FRAS1: variants seen among roughly 807,000 people sequenced by gnomAD.
FRAS1 encodes Fraser extracellular matrix complex subunit 1, also known as extracellular matrix organizing protein FRAS1.
Under a neutral mutation model 435.2 loss-of-function variants are expected in FRAS1, and 290 were observed. That is an observed-to-expected ratio of 0.67 (90% CI 0.61 to 0.73). The LOEUF is 0.73. Among genes scored for constraint, FRAS1 ranks in the 30% least tolerant of loss-of-function variants. The pLI, the probability that FRAS1 is intolerant of heterozygous loss-of-function variation, is 0.00. For missense variants in FRAS1, 4,860 were observed against 5,001.5 expected (o/e 0.97, Z 0.85); for synonymous variants, 1,800 against 1,851.0 (o/e 0.97, Z 0.71).
rs569809378 is a variant in FRAS1 at position 78,069,869 on chromosome 4, G to A, written c.108+3853G>A. Among the ~76,000 whole-genome samples the A allele has an allele frequency of 2.6e-5, 4 of 151,606 alleles. No homozygotes were observed. The South Asian group carries it at 8.3e-4, about 32-fold the overall frequency. The stretch of plus-strand genomic sequence containing the variant: ...TCAATTGTCCAAAGTTACATAGTAA[G>A]TCCTAGTGGAAAAGAGAGTTCAAAC... On this transcript the variant is annotated intron_variant, in intron 2 of 73. Transcript: ENST00000512123.
At chr4:78,371,083 G>GGTTTTTTTTTTTTTTTTTTTTTTTTT (rs1456015210) in intron 23 of FRAS1, among the ~76,000 whole-genome samples, 1 of 127,402 alleles carries the variant, frequency 7.8e-6, no homozygotes, top group African/African-American at 3.2e-5. Flanking sequence ...TTTTTTTTCT[G>GGTTTTTTTTTTTTTTTTTTTTTTTTT]TTTTTTTGTT....
chr4:78,145,906 T>A (rs1217014938), intron 2 of FRAS1, among the ~76,000 whole-genome samples: 1 of 152,168 alleles, frequency 6.6e-6, no homozygotes, highest in Non-Finnish European at 1.5e-5. Flanking sequence ...ATCTGGCTTT[T>A]CCCCTGCTGG....
At chr4:78,213,588 G>A (rs1409780582) in intron 2 of FRAS1, among the ~76,000 whole-genome samples, 1 of 152,044 alleles carries the variant, frequency 6.6e-6, no homozygotes, top group Non-Finnish European at 1.5e-5. Flanking sequence ...TTTGTAATCT[G>A]GATAAATATT....
chr4:78,181,611 C>A, intron 2 of FRAS1: 2 of 1,610,886 alleles, frequency 1.2e-6, no homozygotes, highest in Non-Finnish European at 1.7e-6. Flanking sequence ...CCTCCTTCAC[C>A]CTTTTCTTCA....
chr4:78,061,717 C>T (rs1739768311), intron 1 of FRAS1, among the ~76,000 whole-genome samples: 1 of 152,164 alleles, frequency 6.6e-6, no homozygotes, highest in African/African-American at 2.4e-5. Context: ...AAAAAGTAAC[C>T]TAATTCTTTT....
chr4:78,371,083 G>GTTTTTTTTTTTTTTTTTTTTTTTTTTTTT (rs1242709942), intron 23 of FRAS1, among the ~76,000 whole-genome samples: 1 of 127,402 alleles, frequency 7.8e-6, no homozygotes, highest in African/African-American at 3.2e-5. Context: ...TTTTTTTTCT[G>GTTTTTTTTTTTTTTTTTTTTTTTTTTTTT]TTTTTTTGTT....
chr4:78,374,366 G>C (rs1207439568), intron 25 of FRAS1, 115 bp downstream of exon 25: 9 of 1,074,290 alleles, frequency 8.4e-6, no homozygotes, highest in Admixed American at 2.2e-5. Flanking sequence ...TGAAAGCCCA[G>C]AGGGCTTAGC....
chr4:78,471,034 G>A (rs76882482), intron 51 of FRAS1, among the ~76,000 whole-genome samples: 1,815 of 152,296 alleles, frequency 0.012, 31 homozygotes, highest in African/African-American at 0.042. Context: ...GGATTTTGGA[G>A]AATATCGAGT....
chr4:78,141,820 T>G (rs1720198722), intron 2 of FRAS1, among the ~76,000 whole-genome samples: 1 of 152,132 alleles, frequency 6.6e-6, no homozygotes, highest in Admixed American at 6.5e-5. Context: ...AGGAATGAAT[T>G]AACAGCATTT....
intron 42 of FRAS1, chr4:78,446,459 G>T: frequency 8.1e-7 from 1 of 1,230,362 alleles, no homozygotes; most frequent in Non-Finnish European, 1.0e-6. Flanking sequence ...CATATTTTTG[G>T]TCTAGAAAAT....
chr4:78,379,844 T>A lies in FRAS1; in HGVS notation c.3411T>A (p.Asp1137Glu). 6.2e-7 allele frequency: 1 copy of A among 1,613,858 alleles called. No homozygotes were observed. The change falls in exon 27 of 74, where the codon GAT (aspartate) becomes GAA (glutamate). Residue 1137 changes from aspartate to glutamate, a missense_variant. By Grantham distance (45) the Asp-to-Glu change is conservative (BLOSUM62 2). Coordinates refer to ENST00000512123, the MANE Select transcript of FRAS1 (RefSeq NM_025074.7). The stretch of plus-strand genomic sequence containing the variant: ...AAGACCAGGAGGGTAGGGTCGAAGA[T>A]CTCCTATTTCATGTTGTGAGCACTC... ...NVQDQEGRVE[D>E]LLFHVVSTPT...
In FRAS1 at chr4:78,278,626, A is replaced by G. The variant is rs75090085; in HGVS notation, c.982-29A>G. 2,921 of 1,255,804 alleles carry G rather than the reference A, an allele frequency of 2.3e-3. 55 individuals carry two copies. In the African/African-American group the frequency reaches 0.036, roughly 15 times the overall value. 77.8% of individuals were successfully genotyped at this position (1,255,804 alleles called of 1,614,324 possible). On this transcript the variant is annotated intron_variant, in intron 9 of 73. Coordinates refer to ENST00000512123, the MANE Select transcript of FRAS1 (RefSeq NM_025074.7). The stretch of plus-strand genomic sequence containing the variant: ...TGCTACCTGGAGATGTTAATTTGAT[A>G]TGTGCCACTGCAACCCTTATTTCTA...
At chr4:78,489,983 A>AAAAAAG (rs1720298984) in intron 59 of FRAS1, among the ~76,000 whole-genome samples, 2 of 149,548 alleles carry the variant, frequency 1.3e-5, no homozygotes, top group East Asian at 1.9e-4. Flanking sequence ...AAAAAAAAAA[A>AAAAAAG]AAAAGAAAAG....
At chr4:78,208,352 A>G (rs967993208) in intron 2 of FRAS1, among the ~76,000 whole-genome samples, 1 of 152,168 alleles carries the variant, frequency 6.6e-6, no homozygotes, top group Non-Finnish European at 1.5e-5. Flanking sequence ...AAGGAATCAG[A>G]AAAACAAATC....
At chr4:78,478,950 C>T (rs929259999) in intron 55 of FRAS1, among the ~76,000 whole-genome samples, 3 of 152,120 alleles carry the variant, frequency 2.0e-5, no homozygotes, top group African/African-American at 7.2e-5. Context: ...TTTAAATAAG[C>T]CTGTTTCTTT....
At chr4:78,540,021 A>G (rs1239627632) in intron 73 of FRAS1, among the ~76,000 whole-genome samples, 1 of 152,252 alleles carries the variant, frequency 6.6e-6, no homozygotes, top group Non-Finnish European at 1.5e-5. Flanking sequence ...ACTTGATGAT[A>G]TAGCCTGATT....
At chr4:78,289,920 AACAG>A (rs1424462376) in intron 14 of FRAS1, among the ~76,000 whole-genome samples, 8 of 152,280 alleles carry the variant, frequency 5.3e-5, no homozygotes, top group Middle Eastern at 3.4e-3. Flanking sequence ...CCCTCACCAG[AACAG>A]TGGTTCCATT....
chr4:78,512,794 G>A (rs1222519430), intron 64 of FRAS1, among the ~76,000 whole-genome samples: 1 of 152,218 alleles, frequency 6.6e-6, no homozygotes, highest in African/African-American at 2.4e-5. Context: ...TGAGGCTGGC[G>A]GGGCTGGACA....
intron 2 of FRAS1, among the ~76,000 whole-genome samples, chr4:78,086,414 A>G (rs1741169791): frequency 6.6e-6 from 1 of 152,236 alleles, no homozygotes; most frequent in South Asian, 2.1e-4. Context: ...AAGGCAAGAA[A>G]TAACTAAGAT....
Sources: gnomAD v4.1 joint callset for allele counts (sites outside exome capture counted in the v4.1 genomes callset) on GRCh38, gnomAD v4.1.1 for gene constraint, MANE v1.5 for transcripts, NCBI Gene and HGNC (gene_info 2026-07-23, HGNC 2026-07-21) for gene names.